The following AGFG1 variants were observed in gnomAD, a reference collection of about 807,000 sequenced individuals.
AGFG1 encodes ArfGAP with FG repeats 1.
In AGFG1, 10 loss-of-function variants were observed where a neutral mutation model predicts 60.6. The ratio of observed to expected loss-of-function variants is 0.16; its 90% CI spans 0.10 to 0.28. AGFG1 has a LOEUF of 0.28. Ranked by LOEUF, AGFG1 falls within the 10% of genes least tolerant of loss-of-function variation. AGFG1 has a pLI of 1.00. For missense variants in AGFG1, 537 were observed against 676.5 expected (o/e 0.79, Z 2.29); for synonymous variants, 247 against 242.9 (o/e 1.02, Z -0.16).
intron 1 of AGFG1, among the ~76,000 whole-genome samples, chr2:227,489,385 C>A (rs1690734168): frequency 6.6e-6 from 1 of 150,708 alleles, no homozygotes; most frequent in Non-Finnish European, 1.5e-5. Flanking sequence ...CCACACCTGC[C>A]TAATTTTCGT....
intron 5 of AGFG1, among the ~76,000 whole-genome samples, chr2:227,528,173 A>G (rs1019829351): frequency 2.0e-5 from 3 of 152,242 alleles, no homozygotes; most frequent in Non-Finnish European, 4.4e-5. Flanking sequence ...TTAAATATTA[A>G]TAAAAACATT....
At chr2:227,523,153 T>G (rs1231702305) in intron 3 of AGFG1, among the ~76,000 whole-genome samples, 3 of 152,190 alleles carry the variant, frequency 2.0e-5, no homozygotes, top group Non-Finnish European at 4.4e-5. Flanking sequence ...TTTTAGTAGG[T>G]AGCAATAAAA....
chr2:227,506,205 G>A (rs1691307322), intron 2 of AGFG1, among the ~76,000 whole-genome samples: 1 of 152,026 alleles, frequency 6.6e-6, no homozygotes, highest in Non-Finnish European at 1.5e-5. Context: ...ATTCTGTTTT[G>A]TTCCTTCATA....
intron 2 of AGFG1, among the ~76,000 whole-genome samples, chr2:227,505,453 G>T (rs1691284271): frequency 6.6e-6 from 1 of 152,060 alleles, no homozygotes; most frequent in Non-Finnish European, 1.5e-5. Flanking sequence ...CAATTGCATG[G>T]ATGTTAGGCA....
intron 10 of AGFG1, among the ~76,000 whole-genome samples, chr2:227,548,598 A>T (rs954590332): frequency 3.9e-5 from 6 of 152,204 alleles, no homozygotes; most frequent in African/African-American, 1.4e-4. Context: ...AGTTTAATCA[A>T]TGTCATTAAT....
rs1693094359 is a variant in AGFG1, at chr2:227,560,167, C to T, written c.*5672C>T. 6.6e-6 allele frequency: 1 copy of T among 152,066 alleles called. No individual in the cohort carries two copies. Among genetic ancestry groups the T allele is most frequent in the Admixed American group, 6.5e-5 (1 of 15,268 alleles). 9.4% of individuals were successfully genotyped at this position (152,066 alleles called of 1,614,324 possible). On this transcript the variant is annotated 3_prime_UTR_variant, in exon 13 of 13. Transcript: ENST00000310078. ...TAACTTGGTTGTCTTTCCATATTGC[C>T]ACCTTCCAGCTCTAACATTAATGTC...
chr2:227,553,653 A>G, intron 11 of AGFG1, 51 bp from the exon 12 acceptor site: 1 of 1,409,120 alleles, frequency 7.1e-7, no homozygotes, highest in Non-Finnish European at 1.0e-6. Flanking sequence ...TATAAGCATC[A>G]GATTGTCTCT....
chr2:227,541,138 G>T (rs550494300), intron 10 of AGFG1, among the ~76,000 whole-genome samples: 3 of 152,166 alleles, frequency 2.0e-5, no homozygotes, highest in African/African-American at 7.2e-5. Context: ...CTCCCATTCT[G>T]TAGGTTGCCT....
chr2:227,552,188 T>A, intron 11 of AGFG1, 71 bp downstream of exon 11: 1 of 1,559,870 alleles, frequency 6.4e-7, no homozygotes, highest in Non-Finnish European at 8.7e-7. Context: ...GTTGTGTGCT[T>A]GGGCAGGAAG....
intron 6 of AGFG1, chr2:227,532,109 C>T (rs1475161809): frequency 6.6e-7 from 1 of 1,505,862 alleles, no homozygotes; most frequent in Non-Finnish European, 8.9e-7. Context: ...CTTTAACTTT[C>T]ATCATTTACA....
chr2:227,490,125 C>T (rs781065974), intron 1 of AGFG1, among the ~76,000 whole-genome samples: 2 of 151,956 alleles, frequency 1.3e-5, no homozygotes. Context: ...CCAAAAATAC[C>T]GTGAATTTCT....
At position 227,533,894 on chromosome 2, in the gene AGFG1, G is replaced by A. The variant is rs565762520; in HGVS notation, c.1024+136G>A. On this transcript the variant is annotated intron_variant, in intron 7 of 12. Transcript: ENST00000310078. ...AATTTTGTCTGCACTGTCATTTTGA[G>A]TAAAATGTTCACTTGACACATTTTA... is the stretch of plus-strand genomic sequence containing the variant. 13 of 755,340 alleles carry A rather than the reference G, an allele frequency of 1.7e-5. No individual in the cohort carries two copies. The South Asian group carries it at 2.1e-4, about 12-fold the overall frequency. 46.8% of individuals were successfully genotyped at this position (755,340 alleles called of 1,614,324 possible). A position where few individuals can be genotyped will look rare whatever the true frequency, so the allele number is the denominator to read the frequency against.
chr2:227,553,278 A>C (rs533651294), intron 11 of AGFG1, among the ~76,000 whole-genome samples: 2 of 152,146 alleles, frequency 1.3e-5, no homozygotes, highest in Non-Finnish European at 2.9e-5. Flanking sequence ...CAGGTGGATC[A>C]GTCGAGTCCA....
chr2:227,548,446 T>C (rs1307394326), intron 10 of AGFG1, among the ~76,000 whole-genome samples: 1 of 152,200 alleles, frequency 6.6e-6, no homozygotes, highest in Non-Finnish European at 1.5e-5. Flanking sequence ...TAGTGATTAA[T>C]ATTGGTTAAC....
chr2:227,522,265 T>C (rs1032236142), intron 3 of AGFG1, among the ~76,000 whole-genome samples: 6 of 152,190 alleles, frequency 3.9e-5, no homozygotes, highest in South Asian at 4.1e-4. Flanking sequence ...ATAGTAAAAA[T>C]ATGGTAGCAT....
At chr2:227,531,756 C>G (rs1692166422) in intron 6 of AGFG1, among the ~76,000 whole-genome samples, 1 of 151,864 alleles carries the variant, frequency 6.6e-6, no homozygotes, top group African/African-American at 2.4e-5. Flanking sequence ...TTTTAAGGTT[C>G]ATAGAATCCA....
intron 10 of AGFG1, among the ~76,000 whole-genome samples, chr2:227,539,457 A>AAAAAATAAC (rs139764867): frequency 7.7e-6 from 1 of 129,944 alleles, no homozygotes; most frequent in Non-Finnish European, 1.6e-5. Context: ...AAAACAAAAA[A>AAAAAATAAC]CACATGTTAA....
chr2:227,552,083 C>T lies in AGFG1; in HGVS notation c.1503C>T (p.Phe501=), dbSNP rs143724554. ...QQPAFPAQAA[F]PQQTAFSQQP... ...CTGCCTTTCCAGCCCAAGCAGCTTTCCCTCAACAGACAGCTTTTTCTCAAC... is the reference window on the plus strand; with the variant it reads ...CTGCCTTTCCAGCCCAAGCAGCTTTTCCTCAACAGACAGCTTTTTCTCAAC... The change falls in exon 11 of 13, where the codon TTC becomes TTT. Residue 501 remains phenylalanine (F), a synonymous_variant. Coordinates refer to ENST00000310078, the MANE Select transcript of AGFG1 (RefSeq NM_004504.5). 3.5e-5 allele frequency: 56 copies of T among 1,614,192 alleles called. No individual in the cohort carries two copies. In the African/African-American group the frequency reaches 7.3e-4, roughly 21 times the overall value.
In AGFG1 at chr2:227,497,735, G is replaced by GTTTTTTTTTTTTTTTTTTTTTTT. The variant is rs869114764; in HGVS notation, c.261+6099_261+6121dup. ...GCCAAATGAGTTTCTTTCTTGTTTT[G>GTTTTTTTTTTTTTTTTTTTTTTT]TTTTTTTTTTTTTTTTTTTTTTTTT... On this transcript the variant is annotated intron_variant, in intron 2 of 12. Transcript: ENST00000310078. 3.9e-4 allele frequency among the ~76,000 whole-genome samples: 11 copies of GTTTTTTTTTTTTTTTTTTTTTTT among 28,016 alleles called. 3 individuals carry two copies. The highest frequency in any genetic ancestry group is 5.7e-4 in the Non-Finnish European group (8 of 14,030). The allele number at this position is 28,016 out of a possible 152,430, so 18.4% of individuals were successfully genotyped here. A position where few individuals can be genotyped will look rare whatever the true frequency, so the allele number is the denominator to read the frequency against.
Sources: gnomAD v4.1 joint callset for allele counts (sites outside exome capture counted in the v4.1 genomes callset) on GRCh38, gnomAD v4.1.1 for gene constraint, MANE v1.5 for transcripts, NCBI Gene and HGNC (gene_info 2026-07-23, HGNC 2026-07-21) for gene names.